The following PPP1R12C variants were observed in gnomAD, a reference collection of about 807,000 sequenced individuals.
The protein encoded by PPP1R12C is protein phosphatase 1 regulatory subunit 12C.
Under a neutral mutation model 95.6 loss-of-function variants are expected in PPP1R12C, and 48 were observed. That is an observed-to-expected ratio of 0.50 (90% CI 0.40 to 0.64). The LOEUF is 0.64. PPP1R12C is among the 30% of genes least tolerant of loss of function. The pLI is 0.00. For missense variants in PPP1R12C, 1,057 were observed against 1,083.3 expected (o/e 0.98, Z 0.34); for synonymous variants, 480 against 460.8 (o/e 1.04, Z -0.53).
intron 4 of PPP1R12C, 23 bp downstream of exon 4, chr19:55,103,386 T>A (rs2084999050): frequency 6.9e-7 from 1 of 1,444,958 alleles, no homozygotes; most frequent in Non-Finnish European, 9.2e-7. Flanking sequence ...GACAGCAAGA[T>A]GGAACAGACT....
chr19:55,091,935 G>C (rs777176272), intron 19 of PPP1R12C, 26 bp from the exon 20 acceptor site: 1 of 1,612,548 alleles, frequency 6.2e-7, no homozygotes, highest in Non-Finnish European at 8.5e-7. Flanking sequence ...AAAGCACAGG[G>C]GTCAGCAGAA....
Position 55,112,564 on chromosome 19 carries a change from G to A in PPP1R12C, c.474C>T (p.Ala158=). 1 of 1,613,278 alleles carries A rather than the reference G, an allele frequency of 6.2e-7. No individual in the cohort carries two copies. Among genetic ancestry groups the A allele is most frequent in the Non-Finnish European group, 8.5e-7 (1 of 1,179,708 alleles). ...CGTCACTGTTGACGGCGGCGATGTT[G>A]GCCCCGTGGCTCAGGAGGTACCTGG... is the stretch of plus-strand genomic sequence containing the variant. ...DIARYLLSHG[A]NIAAVNSDGD... is the part of the protein sequence containing the mutation. The change falls in exon 3 of 22, where the codon GCC becomes GCT. Residue 158 remains alanine (A), a synonymous_variant. Coordinates refer to ENST00000263433, the MANE Select transcript of PPP1R12C (RefSeq NM_017607.4).
At chr19:55,101,724 G>A (rs1432015627) in intron 4 of PPP1R12C, among the ~76,000 whole-genome samples, 1 of 152,170 alleles carries the variant, frequency 6.6e-6, no homozygotes, top group Non-Finnish European at 1.5e-5. Context: ...AGAGTTTCCA[G>A]TCCCCCTTGT....
At chr19:55,095,182 G>C in intron 11 of PPP1R12C, 109 bp downstream of exon 11, 3 of 1,248,692 alleles carry the variant, frequency 2.4e-6, no homozygotes, top group Non-Finnish European at 3.4e-6. Flanking sequence ...TGGAGTGGCG[G>C]CAGGAACCAG....
intron 1 of PPP1R12C, 160 bp from the exon 2 acceptor site, chr19:55,112,955 G>T: frequency 1.9e-6 from 2 of 1,035,342 alleles, no homozygotes; most frequent in Non-Finnish European, 1.4e-6. Flanking sequence ...TTTAAGATAC[G>T]CCTGGTTGCC....
chr19:55,103,634 C>A, intron 3 of PPP1R12C, 66 bp from the exon 4 acceptor site: 1 of 1,414,798 alleles, frequency 7.1e-7, no homozygotes, highest in Non-Finnish European at 9.4e-7. Flanking sequence ...GGGTCATACA[C>A]TGGGCTGGCC....
Position 55,117,603 on chromosome 19 carries a change from C to T in PPP1R12C, c.-60G>A. The T allele has an allele frequency of 8.8e-6, 8 of 908,298 alleles. No homozygotes were observed. The highest frequency in any genetic ancestry group is 1.0e-5 in the Non-Finnish European group (8 of 766,868). 56.3% of individuals were successfully genotyped at this position (908,298 alleles called of 1,614,324 possible). ...CCGAGCCCCAACCGCCGCCACCACC[C>T]GCCCGCCCGCCCGCCCCGGGGGCCG... On this transcript the variant is annotated 5_prime_UTR_variant, in exon 1 of 22. Coordinates refer to ENST00000263433, the MANE Select transcript of PPP1R12C (RefSeq NM_017607.4).
At position 55,095,870 on chromosome 19, in the gene PPP1R12C, G is replaced by A. The variant is rs772873781; in HGVS notation, c.1224C>T (p.Pro408=). Residue 408 remains proline, a synonymous_variant, in exon 9 of 22, where the codon CCC becomes CCT. Coordinates refer to ENST00000263433, the MANE Select transcript of PPP1R12C (RefSeq NM_017607.4). ...SSPPHPSPKS[P]VQLEEAPFSR... is the part of the protein sequence containing the mutation. The stretch of plus-strand genomic sequence containing the variant: ...ACCTCTCAGGGCATCCACTCACCAC[G>A]GGACTCTTAGGGCTGGGGTGCGGCG... 18 of 1,613,520 alleles carry A rather than the reference G, an allele frequency of 1.1e-5. No homozygotes were observed. Among genetic ancestry groups the A allele is most frequent in the East Asian group, 6.7e-5 (3 of 44,876 alleles).
At position 55,117,597 on chromosome 19, in the gene PPP1R12C, A is replaced by G. The variant is rs1291175841; in HGVS notation, c.-54T>C. 7.5e-6 allele frequency: 7 copies of G among 931,708 alleles called. No homozygotes were observed. In the South Asian group the frequency reaches 1.5e-4, roughly 20 times the overall value. 57.7% of individuals were successfully genotyped at this position (931,708 alleles called of 1,614,324 possible). On this transcript the variant is annotated 5_prime_UTR_variant, in exon 1 of 22. Coordinates refer to ENST00000263433, the MANE Select transcript of PPP1R12C (RefSeq NM_017607.4). ...CGAGCGCCGAGCCCCAACCGCCGCCACCACCCGCCCGCCCGCCCGCCCCGG... is the reference window on the plus strand; with the variant it reads ...CGAGCGCCGAGCCCCAACCGCCGCCGCCACCCGCCCGCCCGCCCGCCCCGG...
intron 12 of PPP1R12C, 51 bp downstream of exon 12, chr19:55,094,610 T>A (rs776879095): frequency 6.5e-7 from 1 of 1,537,444 alleles, no homozygotes; most frequent in Non-Finnish European, 8.7e-7. Flanking sequence ...CTTCACATCG[T>A]CTCTCCCTGC....
intron 19 of PPP1R12C, 80 bp downstream of exon 19, chr19:55,092,142 C>A: frequency 7.5e-7 from 1 of 1,338,008 alleles, no homozygotes; most frequent in South Asian, 1.3e-5. Context: ...CACCCCCAGG[C>A]CAGGCTCTAC....
intron 3 of PPP1R12C, among the ~76,000 whole-genome samples, chr19:55,108,391 G>C (rs1384165705): frequency 2.0e-5 from 3 of 152,038 alleles, no homozygotes; most frequent in Non-Finnish European, 1.5e-5. Flanking sequence ...CACTTTAGGA[G>C]GCCAAGGTGG....
At position 55,112,495 on chromosome 19, in the gene PPP1R12C, C is replaced by T; in HGVS notation, c.543G>A (p.Gly181=). The T allele has an allele frequency of 1.2e-6, 2 of 1,612,808 alleles. No homozygotes were observed. Among genetic ancestry groups the T allele is most frequent in the Non-Finnish European group, 1.7e-6 (2 of 1,179,770 alleles). The change falls in exon 3 of 22, where the codon GGG becomes GGA. Residue 181 remains glycine (G), a synonymous_variant. Coordinates refer to ENST00000263433, the MANE Select transcript of PPP1R12C (RefSeq NM_017607.4). The part of the protein sequence containing the change: ...LDLAESDAME[G]LLKAEIARRG... ...GGCGGGCGATCTCCGCCTTCAGCAG[C>T]CCCTCCATGGCGTCCGACTCGGCCA...
intron 6 of PPP1R12C, among the ~76,000 whole-genome samples, chr19:55,097,654 T>G (rs2084937360): frequency 6.9e-6 from 1 of 144,538 alleles, no homozygotes; most frequent in African/African-American, 2.6e-5. Flanking sequence ...TTCCCCGCAG[T>G]TCACCACCGT....
At chr19:55,111,022 G>A (rs564742902) in intron 3 of PPP1R12C, among the ~76,000 whole-genome samples, 12 of 151,914 alleles carry the variant, frequency 7.9e-5, no homozygotes, top group African/African-American at 2.9e-4. Flanking sequence ...GGGACAGAGA[G>A]AAGGAACACA....
intron 4 of PPP1R12C, among the ~76,000 whole-genome samples, chr19:55,100,206 C>T (rs1021396937): frequency 2.0e-5 from 3 of 152,178 alleles, no homozygotes; most frequent in Admixed American, 1.3e-4. Flanking sequence ...GACCCCAAAG[C>T]CCCTCCTCAT....
Position 55,098,795 on chromosome 19 carries a change from T to C in PPP1R12C, c.940A>G (p.Lys314Glu). Residue 314 changes from lysine (K) to glutamate (E), a missense_variant, in exon 6 of 22, where the codon AAA becomes GAA. Transcript: ENST00000263433. ...GCCCTGACACTCACGTCCTCCTGTT[T>C]CCGGGCCAGTTCCTCCAACAGGCTC... ...VLSLLEELAR[K>E]QEDLRNQKEA... 1.2e-6 allele frequency: 2 copies of C among 1,613,476 alleles called. No homozygotes were observed. The highest frequency in any genetic ancestry group is 1.7e-6 in the Non-Finnish European group (2 of 1,179,974).
At chr19:55,095,034 C>T (rs772196661) in intron 11 of PPP1R12C, 86 of 672,220 alleles carry the variant, frequency 1.3e-4, no homozygotes, top group Non-Finnish European at 8.1e-5. Context: ...GGAGGGTGTG[C>T]GTGTGCGGAC....
At chr19:55,108,721 T>C (rs146823760) in intron 3 of PPP1R12C, among the ~76,000 whole-genome samples, 214 of 152,320 alleles carry the variant, frequency 1.4e-3, no homozygotes, top group African/African-American at 5.0e-3. Context: ...TTGTTTTTTG[T>C]TTTGAGACAC....
Sources: allele counts gnomAD v4.1 joint callset (sites outside exome capture counted in the v4.1 genomes callset), GRCh38; gene constraint gnomAD v4.1.1; transcripts MANE v1.5; gene names NCBI Gene and HGNC (gene_info 2026-07-23, HGNC 2026-07-21).